The following SRGAP1 variants were observed in gnomAD, a reference collection of about 807,000 sequenced individuals.
The protein encoded by SRGAP1 is SLIT-ROBO Rho GTPase-activating protein 1.
Under a neutral mutation model 121.9 loss-of-function variants are expected in SRGAP1, and 43 were observed. The ratio of observed to expected loss-of-function variants is 0.35; its 90% CI spans 0.28 to 0.46. The LOEUF is 0.46. SRGAP1 is among the 20% of genes least tolerant of loss of function. The probability of loss-of-function intolerance (pLI) is 1.00; values close to 1 mark genes in which losing one functional copy is unlikely to be tolerated. For missense variants in SRGAP1, 1,102 were observed against 1,350.9 expected (o/e 0.82, Z 2.89); for synonymous variants, 447 against 485.4 (o/e 0.92, Z 1.04).
At chr12:64,125,736 A>G (rs1385670511) in intron 18 of SRGAP1, among the ~76,000 whole-genome samples, 1 of 152,200 alleles carries the variant, frequency 6.6e-6, no homozygotes, top group East Asian at 1.9e-4. Flanking sequence ...GGCTGTGGAA[A>G]TGAAAATCCA....
At chr12:63,856,867 CAGTT>C (rs1160707222) in intron 1 of SRGAP1, among the ~76,000 whole-genome samples, 8 of 152,264 alleles carry the variant, frequency 5.3e-5, no homozygotes, top group Middle Eastern at 3.4e-3. Context: ...AATTATAAAT[CAGTT>C]AGGGAAGAAT....
chr12:63,919,911 G>A (rs1400833880), intron 1 of SRGAP1, among the ~76,000 whole-genome samples: 1 of 152,166 alleles, frequency 6.6e-6, no homozygotes, highest in African/African-American at 2.4e-5. Flanking sequence ...CCTGTTGGTG[G>A]ATATTTGGAT....
intron 1 of SRGAP1, among the ~76,000 whole-genome samples, chr12:63,914,166 C>T (rs931460277): frequency 1.1e-4 from 16 of 152,130 alleles, no homozygotes; most frequent in Non-Finnish European, 2.1e-4. Context: ...TGTTTTATCC[C>T]TCAGTCATTG....
intron 1 of SRGAP1, among the ~76,000 whole-genome samples, chr12:63,921,523 G>T (rs1405733337): frequency 6.6e-6 from 1 of 152,062 alleles, no homozygotes; most frequent in East Asian, 1.9e-4. Context: ...GCTGAACCTG[G>T]AATACAACTC....
intron 2 of SRGAP1, among the ~76,000 whole-genome samples, chr12:63,984,460 A>G (rs2033358746): frequency 6.6e-6 from 1 of 152,138 alleles, no homozygotes; most frequent in Non-Finnish European, 1.5e-5. Context: ...GGTAGGACAG[A>G]TTTAAAATAG....
intron 1 of SRGAP1, among the ~76,000 whole-genome samples, chr12:63,870,231 C>T (rs568187020): frequency 3.9e-5 from 6 of 152,136 alleles, no homozygotes; most frequent in African/African-American, 1.4e-4. Context: ...TTATTATTAC[C>T]TCAATGGATT....
At chr12:63,859,629 CTT>C (rs1899377699) in intron 1 of SRGAP1, among the ~76,000 whole-genome samples, 1 of 152,104 alleles carries the variant, frequency 6.6e-6, no homozygotes, top group African/African-American at 2.4e-5. Flanking sequence ...AATATAAGCA[CTT>C]AAGATAATAC....
At chr12:64,102,262 A>AG (rs2036268699) in intron 15 of SRGAP1, among the ~76,000 whole-genome samples, 4 of 152,228 alleles carry the variant, frequency 2.6e-5, no homozygotes, top group Admixed American at 6.5e-5. Flanking sequence ...ATGTTATGCA[A>AG]TTAACATGTT....
chr12:63,849,490 T>C (rs1445175674), intron 1 of SRGAP1, among the ~76,000 whole-genome samples: 1 of 152,254 alleles, frequency 6.6e-6, no homozygotes, highest in Non-Finnish European at 1.5e-5. Flanking sequence ...GATAGCACCA[T>C]ATTTATCTAC....
intron 1 of SRGAP1, chr12:63,872,016 G>A: frequency 5.8e-6 from 5 of 858,568 alleles, no homozygotes; most frequent in Non-Finnish European, 1.0e-5. Context: ...TGCTTACAAA[G>A]GTTCTTCGGG....
Position 64,151,874 on chromosome 12 carries a change from C to T in SRGAP1, c.*9202C>T, listed in dbSNP as rs2037123092. The T allele has an allele frequency of 6.6e-6, 1 of 152,188 alleles. No individual in the cohort carries two copies. The highest frequency in any genetic ancestry group is 1.5e-5 in the Non-Finnish European group (1 of 68,032). The allele number at this position is 152,188 out of a possible 1,614,324, so 9.4% of individuals were successfully genotyped here. A position where few individuals can be genotyped will look rare whatever the true frequency, so the allele number is the denominator to read the frequency against. Reference sequence around the variant, plus strand: ...CCCAAAAATTAAACCCACTTTGTTTCATTCCAAAAAATATTCTGCAGCCCC... The same window carrying T: ...CCCAAAAATTAAACCCACTTTGTTTTATTCCAAAAAATATTCTGCAGCCCC... On this transcript the variant is annotated 3_prime_UTR_variant, in exon 22 of 22. Coordinates refer to ENST00000355086, the MANE Select transcript of SRGAP1 (RefSeq NM_020762.4).
chr12:64,128,336 A>G, intron 21 of SRGAP1, 136 bp downstream of exon 21: 2 of 899,286 alleles, frequency 2.2e-6, no homozygotes, highest in Non-Finnish European at 3.2e-6. Context: ...AAACAGAAAC[A>G]AAACCAGCTC....
intron 1 of SRGAP1, among the ~76,000 whole-genome samples, chr12:63,977,012 T>A: frequency 6.6e-6 from 1 of 152,146 alleles, no homozygotes; most frequent in Non-Finnish European, 1.5e-5. Flanking sequence ...AAATTGCCTT[T>A]GTTTATTCAG....
At chr12:63,962,866 T>A (rs546623050) in intron 1 of SRGAP1, among the ~76,000 whole-genome samples, 29 of 152,330 alleles carry the variant, frequency 1.9e-4, no homozygotes, top group African/African-American at 6.5e-4. Flanking sequence ...CACAGCAGAT[T>A]TTGAAGACTT....
chr12:64,034,764 C>T (rs1481805269), intron 4 of SRGAP1, among the ~76,000 whole-genome samples: 1 of 152,142 alleles, frequency 6.6e-6, no homozygotes, highest in African/African-American at 2.4e-5. Context: ...AAAGACCTCA[C>T]AGCAAGTAAG....
At chr12:63,866,467 GTAA>G (rs1899635569) in intron 1 of SRGAP1, among the ~76,000 whole-genome samples, 2 of 152,154 alleles carry the variant, frequency 1.3e-5, no homozygotes, top group South Asian at 4.1e-4. Context: ...TAAAAAGCAA[GTAA>G]TAAGTCATTA....
rs755145145 is a variant in SRGAP1 at position 64,127,881 on chromosome 12, C to T, written c.2561C>T (p.Pro854Leu). Residue 854 changes from proline (P) to leucine (L), a missense_variant, in exon 21 of 22, where the codon CCA becomes CTA. Pro to Leu is a moderately conservative substitution (Grantham distance 98, BLOSUM62 -3). Transcript: ENST00000355086. ...TCTAGGCAACGAAAAAGAGGAGAGCCACCCCCTCCAGTAAGGCGTCCTGGC... is the reference window on the plus strand; with the variant it reads ...TCTAGGCAACGAAAAAGAGGAGAGCTACCCCCTCCAGTAAGGCGTCCTGGC... ...YLARQRKRGE[P>L]PPPVRRPGRT... 6.2e-7 allele frequency: 1 copy of T among 1,611,730 alleles called. No individual in the cohort carries two copies. Among genetic ancestry groups the T allele is most frequent in the Non-Finnish European group, 8.5e-7 (1 of 1,178,402 alleles).
At chr12:64,031,655 G>C (rs1306083533) in intron 4 of SRGAP1, among the ~76,000 whole-genome samples, 1 of 152,060 alleles carries the variant, frequency 6.6e-6, no homozygotes, top group African/African-American at 2.4e-5. Context: ...TATTTCCTCT[G>C]AGCTTCATCA....
chr12:63,903,896 T>C (rs924015753), intron 1 of SRGAP1, among the ~76,000 whole-genome samples: 5 of 151,774 alleles, frequency 3.3e-5, no homozygotes, highest in African/African-American at 1.2e-4. Context: ...GCCTCCCAAA[T>C]TGCTGGGATT....
Sources: allele counts gnomAD v4.1 joint callset (sites outside exome capture counted in the v4.1 genomes callset), GRCh38; gene constraint gnomAD v4.1.1; transcripts MANE v1.5; gene names NCBI Gene and HGNC (gene_info 2026-07-23, HGNC 2026-07-21).